Variants in ABCC4 observed in about 807,000 individuals in gnomAD.
ABCC4 encodes ATP-binding cassette sub-family C member 4.
Under a neutral mutation model 168.5 loss-of-function variants are expected in ABCC4, and 102 were observed. The observed-to-expected ratio is 0.61, with a 90% CI of 0.52 to 0.71. The LOEUF is 0.71. Ranked by LOEUF, ABCC4 falls within the 30% of genes least tolerant of loss-of-function variation. The pLI is 0.00. For synonymous variants in ABCC4, 617 were observed against 590.7 expected (o/e 1.04, Z -0.65); for missense variants, 1,402 against 1,605.8 (o/e 0.87, Z 2.17).
At chr13:95,235,705 T>C (rs1047510565) in intron 3 of ABCC4, among the ~76,000 whole-genome samples, 2 of 135,348 alleles carry the variant, frequency 1.5e-5, no homozygotes, top group Non-Finnish European at 3.3e-5. Context: ...CCAGCTTCAG[T>C]TGGAGTGGGG....
At chr13:95,271,605 T>A (rs2040849161) in intron 1 of ABCC4, among the ~76,000 whole-genome samples, 1 of 152,194 alleles carries the variant, frequency 6.6e-6, no homozygotes. Flanking sequence ...ACAATGTTTG[T>A]CCAAAAATTT....
intron 1 of ABCC4, among the ~76,000 whole-genome samples, chr13:95,252,824 A>G (rs1411655667): frequency 1.3e-5 from 2 of 152,232 alleles, no homozygotes; most frequent in Non-Finnish European, 2.9e-5. Flanking sequence ...GGACTACTGT[A>G]CATCTATAAA....
intron 3 of ABCC4, among the ~76,000 whole-genome samples, chr13:95,244,665 G>GAAAGA (rs1555336457): frequency 1.2e-5 from 1 of 82,380 alleles, no homozygotes; most frequent in Non-Finnish European, 3.1e-5. Context: ...AAGAAAGAAA[G>GAAAGA]AAAGAAATCA....
intron 14 of ABCC4, among the ~76,000 whole-genome samples, chr13:95,169,172 T>C (rs1249409568): frequency 6.6e-6 from 1 of 152,136 alleles, no homozygotes; most frequent in African/African-American, 2.4e-5. Flanking sequence ...GACACCTTGA[T>C]TTTGGACTTG....
At position 95,093,833 on chromosome 13, in the gene ABCC4, T is replaced by C. The variant is rs932606947; in HGVS notation, c.2536-10543A>G. 1.1e-4 allele frequency among the ~76,000 whole-genome samples: 17 copies of C among 152,238 alleles called. No homozygotes were observed. In the East Asian group the frequency reaches 1.9e-3, roughly 17 times the overall value. On this transcript the variant is annotated intron_variant, in intron 20 of 30. Coordinates refer to ENST00000645237, the MANE Select transcript of ABCC4 (RefSeq NM_005845.5). ...AATAATTGAGCAAAGTTTCCAGATA[T>C]AAGATTAATGTACACAAATCAGTAG...
Position 95,170,545 on chromosome 13 carries a change from A to T in ABCC4, c.1811T>A (p.Leu604Gln). The part of the protein sequence containing the change: ...LQYLKAASQI[L>Q]ILKDGKMVQK... The stretch of plus-strand genomic sequence containing the variant: ...GAAACTACTTACATCTTTCAATATC[A>T]GAATCTGACTTGCAGCTTTGAGGTA... Residue 604 changes from leucine to glutamine, a missense_variant, in exon 14 of 31, where the codon CTG becomes CAG. Leu to Gln is a moderately radical substitution (Grantham distance 113). Around this residue, in one of 3 missense-constraint regions of ABCC4, gnomAD observed 1,007 missense variants for 1,127.3 expected, o/e 0.89. Coordinates refer to ENST00000645237, the MANE Select transcript of ABCC4 (RefSeq NM_005845.5). 6.2e-7 allele frequency: 1 copy of T among 1,610,524 alleles called. No homozygotes were observed. The highest frequency in any genetic ancestry group is 1.1e-5 in the South Asian group (1 of 90,334).
chr13:95,124,637 G>A (rs2035689051), intron 19 of ABCC4, among the ~76,000 whole-genome samples: 1 of 149,342 alleles, frequency 6.7e-6, no homozygotes, highest in African/African-American at 2.5e-5. Context: ...GGGAGGCAGA[G>A]GTGGGGGGAT....
chr13:95,284,009 G>A (rs2041196283), intron 1 of ABCC4, among the ~76,000 whole-genome samples: 1 of 150,978 alleles, frequency 6.6e-6, no homozygotes, highest in South Asian at 2.1e-4. Context: ...AGACCAGCCT[G>A]ACCAACATAG....
intron 4 of ABCC4, among the ~76,000 whole-genome samples, chr13:95,212,392 T>C (rs144327183): frequency 5.9e-5 from 9 of 152,296 alleles, no homozygotes; most frequent in African/African-American, 1.9e-4. Flanking sequence ...TAATCCCACA[T>C]GCAGAAAATA....
chr13:95,064,776 C>A (rs2033467692), intron 25 of ABCC4, among the ~76,000 whole-genome samples: 1 of 152,044 alleles, frequency 6.6e-6, no homozygotes, highest in Admixed American at 6.6e-5. Context: ...AGGATATAAT[C>A]AGCAAAAGGC....
Position 95,234,746 on chromosome 13 carries a change from T to G in ABCC4, c.395A>C (p.Asn132Thr), listed in dbSNP as rs1313216777. 1 of 1,614,042 alleles carries G rather than the reference T, an allele frequency of 6.2e-7. No individual in the cohort carries two copies. Among genetic ancestry groups the G allele is most frequent in the South Asian group, 1.1e-5 (1 of 91,052 alleles). The change falls in exon 4 of 31, where the codon AAC becomes ACC. Residue 132 changes from asparagine to threonine, a missense_variant. Physicochemically the swap from Asn to Thr is moderately conservative, Grantham distance 65. Around this residue, in one of 3 missense-constraint regions of ABCC4, gnomAD observed 317 missense variants for 345.5 expected, o/e 0.92. Transcript: ENST00000645237. ...CACCGTGGCATAGGCGTACGCTGTG[T>G]TCAAAGCCACAGAATCCATGGGATC... ...NYDPMDSVAL[N>T]TAYAYATVLT...
intron 1 of ABCC4, among the ~76,000 whole-genome samples, chr13:95,256,634 T>C (rs1186618862): frequency 6.6e-6 from 1 of 152,092 alleles, no homozygotes; most frequent in Non-Finnish European, 1.5e-5. Context: ...GGCAGGCACC[T>C]GTAGTCCCAG....
intron 20 of ABCC4, among the ~76,000 whole-genome samples, chr13:95,110,017 G>C (rs2035147419): frequency 6.6e-6 from 1 of 152,132 alleles, no homozygotes; most frequent in Non-Finnish European, 1.5e-5. Flanking sequence ...TAATAAGAAT[G>C]ACACGTATTG....
At chr13:95,169,218 T>C (rs996778182) in intron 14 of ABCC4, among the ~76,000 whole-genome samples, 5 of 152,176 alleles carry the variant, frequency 3.3e-5, no homozygotes, top group African/African-American at 7.2e-5. Context: ...ATTTCTGTTG[T>C]TGTAAGCTGC....
chr13:95,199,606 C>A (rs558427549), intron 8 of ABCC4, among the ~76,000 whole-genome samples: 21 of 152,256 alleles, frequency 1.4e-4, no homozygotes, highest in African/African-American at 5.1e-4. Context: ...TTGCCCCACA[C>A]CCAAATCAGG....
chr13:95,151,826 G>A (rs926269098), intron 19 of ABCC4, among the ~76,000 whole-genome samples: 3 of 152,186 alleles, frequency 2.0e-5, no homozygotes, highest in African/African-American at 7.2e-5. Flanking sequence ...CTGAGGCTAA[G>A]AGAAGTAATG....
chr13:95,229,328 C>T (rs559255403), intron 4 of ABCC4, among the ~76,000 whole-genome samples: 24 of 152,270 alleles, frequency 1.6e-4, no homozygotes, highest in Admixed American at 1.1e-3. Flanking sequence ...GAAGGACAGA[C>T]AGATACTTTA....
intron 16 of ABCC4, 107 bp downstream of exon 16, chr13:95,164,271 A>G (rs1729764): frequency 0.13 from 185,209 of 1,389,466 alleles, 16,973 homozygotes; most frequent in African/African-American, 0.42. Flanking sequence ...CAAAGACAGC[A>G]CATTTCAATT....
intron 1 of ABCC4, among the ~76,000 whole-genome samples, chr13:95,272,197 A>C (rs2040864337): frequency 6.6e-6 from 1 of 152,130 alleles, no homozygotes; most frequent in South Asian, 2.1e-4. Context: ...GGCACCCGCC[A>C]GCACACCCGG....
Sources: allele counts gnomAD v4.1 joint callset (sites outside exome capture counted in the v4.1 genomes callset), GRCh38; gene constraint gnomAD v4.1.1; regional missense constraint gnomAD v4.1.1; transcripts MANE v1.5; gene names NCBI Gene and HGNC (gene_info 2026-07-23, HGNC 2026-07-21).